SFMBT1: variants seen among roughly 807,000 people sequenced by gnomAD.
SFMBT1 encodes scm-like with four MBT domains protein 1.
In SFMBT1, 32 loss-of-function variants were observed where a neutral mutation model predicts 108.7. The observed-to-expected ratio is 0.29, with a 90% CI of 0.22 to 0.40. The LOEUF (loss-of-function observed/expected upper bound fraction) is 0.40, where lower values mean the gene tolerates loss of function less well. Among genes scored for constraint, SFMBT1 ranks in the 10% least tolerant of loss-of-function variants. SFMBT1 has a pLI of 1.00. For synonymous variants in SFMBT1, 348 were observed against 369.5 expected (o/e 0.94, Z 0.67); for missense variants, 816 against 1,059.6 (o/e 0.77, Z 3.19).
At chr3:52,930,911 A>C in intron 7 of SFMBT1, 30 bp downstream of exon 7, 8,780 of 1,565,204 alleles carry the variant, frequency 5.6e-3, no homozygotes, top group Non-Finnish European at 7.0e-3. Flanking sequence ...AAGGGGAGCA[A>C]TACCGGTCTA....
intron 1 of SFMBT1, among the ~76,000 whole-genome samples, chr3:52,983,275 C>T (rs1273927498): frequency 1.3e-5 from 2 of 152,104 alleles, no homozygotes; most frequent in Non-Finnish European, 2.9e-5. Flanking sequence ...TATATTTTCT[C>T]TTCCTTATGA....
intron 1 of SFMBT1, among the ~76,000 whole-genome samples, chr3:53,012,018 T>C (rs1443043835): frequency 6.6e-6 from 1 of 152,210 alleles, no homozygotes; most frequent in Non-Finnish European, 1.5e-5. Context: ...CTAACACTTT[T>C]TAAGTATCTA....
intron 1 of SFMBT1, among the ~76,000 whole-genome samples, chr3:52,999,065 C>G (rs9828491): frequency 0.31 from 47,091 of 150,476 alleles, 9,477 homozygotes; most frequent in African/African-American, 0.39. Flanking sequence ...CGGGGACGCC[C>G]GAGGACATGC....
At chr3:52,986,878 T>C (rs1704940066) in intron 1 of SFMBT1, among the ~76,000 whole-genome samples, 1 of 151,890 alleles carries the variant, frequency 6.6e-6, no homozygotes, top group Non-Finnish European at 1.5e-5. Flanking sequence ...AGGTGGAGGT[T>C]GCAGTGAGCC....
intron 2 of SFMBT1, among the ~76,000 whole-genome samples, chr3:52,961,261 A>G (rs1180615049): frequency 6.6e-6 from 1 of 152,224 alleles, no homozygotes; most frequent in African/African-American, 2.4e-5. Flanking sequence ...AGAAAATTAA[A>G]TGGTGGGTGC....
intron 5 of SFMBT1, among the ~76,000 whole-genome samples, chr3:52,933,099 C>G (rs1702908107): frequency 6.6e-6 from 1 of 152,182 alleles, no homozygotes; most frequent in Non-Finnish European, 1.5e-5. Flanking sequence ...GCCAGTCTGT[C>G]TGTTCCTATT....
At chr3:52,920,512 C>T in intron 12 of SFMBT1, 25 bp downstream of exon 12, 1 of 1,539,812 alleles carries the variant, frequency 6.5e-7, no homozygotes. Flanking sequence ...ACAATCAATC[C>T]TCTAACCCAG....
intron 3 of SFMBT1, among the ~76,000 whole-genome samples, chr3:52,946,109 G>A (rs557408683): frequency 4.6e-5 from 7 of 152,016 alleles, no homozygotes; most frequent in Non-Finnish European, 8.8e-5. Context: ...CCAATCATGA[G>A]AAAAAAACAA....
chr3:53,014,530 G>A (rs1699063735), intron 1 of SFMBT1, among the ~76,000 whole-genome samples: 1 of 151,612 alleles, frequency 6.6e-6, no homozygotes, highest in South Asian at 2.1e-4. Flanking sequence ...ACAGTTTCTA[G>A]AACCACCACC....
intron 4 of SFMBT1, among the ~76,000 whole-genome samples, 157 bp downstream of exon 4, chr3:52,943,196 G>A (rs530725524): frequency 2.6e-5 from 4 of 152,348 alleles, no homozygotes; most frequent in African/African-American, 9.6e-5. Context: ...ACAGGGAAAT[G>A]TGTATTATTC....
Position 52,904,039 on chromosome 3 carries a change from C to T in SFMBT1, c.*1097G>A, listed in dbSNP as rs1180849287. 1 of 152,206 alleles carries T rather than the reference C, an allele frequency of 6.6e-6. No homozygotes were observed. The highest frequency in any genetic ancestry group is 1.5e-5 in the Non-Finnish European group (1 of 68,042). 9.4% of individuals were successfully genotyped at this position (152,206 alleles called of 1,614,324 possible). A position where few individuals can be genotyped will look rare whatever the true frequency, so the allele number is the denominator to read the frequency against. On this transcript the variant is annotated 3_prime_UTR_variant, in exon 21 of 21. Transcript: ENST00000394752. The stretch of plus-strand genomic sequence containing the variant: ...CTGAGGACACTGCTAACAGAAACTC[C>T]ATGCTCTGCGTTACCCTCCAAAACA...
intron 2 of SFMBT1, among the ~76,000 whole-genome samples, chr3:52,963,427 G>C (rs1173978299): frequency 6.6e-6 from 1 of 151,926 alleles, no homozygotes. Context: ...CAAGAAAACA[G>C]GATTCCTTTA....
intron 1 of SFMBT1, among the ~76,000 whole-genome samples, chr3:52,991,258 C>CTA (rs1452246036): frequency 6.6e-6 from 1 of 151,934 alleles, no homozygotes; most frequent in East Asian, 1.9e-4. Flanking sequence ...TCTCCATTAC[C>CTA]CTACAGTGCT....
At chr3:52,964,651 GA>G (rs540509239) in intron 2 of SFMBT1, among the ~76,000 whole-genome samples, 72 of 150,996 alleles carry the variant, frequency 4.8e-4, no homozygotes, top group African/African-American at 1.6e-3. Context: ...CTACTTTAAA[GA>G]AAAAAAAAGC....
chr3:52,905,332 T>C, intron 20 of SFMBT1, 56 bp from the exon 21 acceptor site: 2 of 1,562,246 alleles, frequency 1.3e-6, no homozygotes, highest in South Asian at 1.2e-5. Context: ...GGCAGCTTGA[T>C]CATGACAGCC....
chr3:52,915,159 CT>C (rs1702313668), intron 14 of SFMBT1, among the ~76,000 whole-genome samples: 1 of 152,198 alleles, frequency 6.6e-6, no homozygotes. Flanking sequence ...TCCTTTACTC[CT>C]TCTAAGGAGC....
intron 13 of SFMBT1, among the ~76,000 whole-genome samples, chr3:52,917,850 C>G (rs1338952605): frequency 6.6e-6 from 1 of 152,144 alleles, no homozygotes; most frequent in South Asian, 2.1e-4. Flanking sequence ...TCCACGAAAC[C>G]GGTCCCTGGT....
intron 1 of SFMBT1, among the ~76,000 whole-genome samples, chr3:53,040,837 G>A (rs1700019038): frequency 6.7e-6 from 1 of 149,228 alleles, no homozygotes; most frequent in Admixed American, 6.7e-5. Flanking sequence ...TTGAGACAGG[G>A]TCTCGCTATG....
At position 52,928,371 on chromosome 3, in the gene SFMBT1, C is replaced by A. The variant is rs1488455575; in HGVS notation, c.898-30G>T. On this transcript the variant is annotated intron_variant, in intron 8 of 20. Transcript: ENST00000394752. The stretch of plus-strand genomic sequence containing the variant: ...ACATGCAATTAATAGATGAAATAGA[C>A]AAATGCACACATATATATGTGCTTT... 1.9e-6 allele frequency: 3 copies of A among 1,606,268 alleles called. No individual in the cohort carries two copies. The Admixed American group carries it at 5.0e-5, about 27-fold the overall frequency.
Sources: allele counts gnomAD v4.1 joint callset (sites outside exome capture counted in the v4.1 genomes callset), GRCh38; gene constraint gnomAD v4.1.1; transcripts MANE v1.5; gene names NCBI Gene and HGNC (gene_info 2026-07-23, HGNC 2026-07-21).